Variants in ANK3 observed in about 807,000 individuals in gnomAD.
The protein encoded by ANK3 is ankyrin-3.
A neutral mutation model predicts 370.9 loss-of-function variants in ANK3; 57 were observed. The ratio of observed to expected loss-of-function variants is 0.15; its 90% CI spans 0.12 to 0.19. ANK3 has a LOEUF of 0.19. ANK3 is among the 10% of genes least tolerant of loss of function. ANK3 has a pLI of 1.00. For missense variants in ANK3, 4,439 were observed against 5,302.1 expected (o/e 0.84, Z 5.06); for synonymous variants, 1,929 against 1,946.3 (o/e 0.99, Z 0.23).
intron 1 of ANK3, among the ~76,000 whole-genome samples, chr10:60,621,535 C>T (rs959085460): frequency 2.0e-5 from 3 of 152,110 alleles, no homozygotes; most frequent in African/African-American, 4.8e-5. Context: ...CCAGACTCTC[C>T]TGGGGTCGTG....
chr10:60,406,738 T>C (rs2132917480), intron 2 of ANK3, among the ~76,000 whole-genome samples: 1 of 152,342 alleles, frequency 6.6e-6, no homozygotes, highest in South Asian at 2.1e-4. Flanking sequence ...ATTAATCTGG[T>C]TTTTCCTATC....
In ANK3 at chr10:60,080,560, C is replaced by G. The variant is rs761501450; in HGVS notation, c.4409G>C (p.Ser1470Thr). 3 of 1,612,126 alleles carry G rather than the reference C, an allele frequency of 1.9e-6. No individual in the cohort carries two copies. Among genetic ancestry groups the G allele is most frequent in the Non-Finnish European group, 2.5e-6 (3 of 1,179,384 alleles). Residue 1470 changes from serine to threonine, a missense_variant, in exon 36 of 44, where the codon AGC becomes ACC. Coordinates refer to ENST00000280772, the MANE Select transcript of ANK3 (RefSeq NM_020987.5). The part of the protein sequence containing the change: ...FASLALRKRY[S>T]YLTEPGMIER... Reference sequence around the variant, plus strand: ...ACTCATTCCAGGCTCAGTCAAGTAGCTGTAGCGCTTACGTAAAGCTAAGGA... The same window carrying G: ...ACTCATTCCAGGCTCAGTCAAGTAGGTGTAGCGCTTACGTAAAGCTAAGGA...
At chr10:60,367,490 G>A (rs1430006021) in intron 1 of ANK3, among the ~76,000 whole-genome samples, 2 of 152,184 alleles carry the variant, frequency 1.3e-5, no homozygotes, top group Non-Finnish European at 2.9e-5. Context: ...CAGAGAAGGA[G>A]GCTTTCACTT....
intron 2 of ANK3, among the ~76,000 whole-genome samples, chr10:60,457,417 G>T (rs181987225): frequency 5.1e-4 from 77 of 152,268 alleles, no homozygotes; most frequent in African/African-American, 1.8e-3. Context: ...GCCAGTTCTG[G>T]CAGAAGATGA....
At chr10:60,464,554 A>G (rs1567062120) in intron 2 of ANK3, among the ~76,000 whole-genome samples, 1 of 152,194 alleles carries the variant, frequency 6.6e-6, no homozygotes, top group East Asian at 1.9e-4. Flanking sequence ...ATCCACATGC[A>G]GAGAACCCCC....
chr10:60,235,098 A>C (rs2097308261), intron 7 of ANK3, among the ~76,000 whole-genome samples: 1 of 152,214 alleles, frequency 6.6e-6, no homozygotes, highest in Non-Finnish European at 1.5e-5. Context: ...GTATTTTTCT[A>C]TAATTTGAGT....
intron 2 of ANK3, among the ~76,000 whole-genome samples, chr10:60,529,141 C>T (rs2076545608): frequency 6.6e-6 from 1 of 152,066 alleles, no homozygotes; most frequent in Non-Finnish European, 1.5e-5. Flanking sequence ...AGGGAATGCA[C>T]AGCAGTTGCT....
chr10:60,528,859 T>C (rs1436996797), intron 2 of ANK3, among the ~76,000 whole-genome samples: 1 of 152,120 alleles, frequency 6.6e-6, no homozygotes. Flanking sequence ...CACTGATCTA[T>C]ATTCAGTACA....
intron 1 of ANK3, among the ~76,000 whole-genome samples, chr10:60,723,230 A>T (rs968823745): frequency 2.6e-5 from 4 of 152,238 alleles, no homozygotes; most frequent in Admixed American, 6.5e-5. Context: ...CATGCTCTTG[A>T]ATCTAATTTT....
At chr10:60,555,508 A>T (rs1317749510) in intron 2 of ANK3, among the ~76,000 whole-genome samples, 1 of 151,992 alleles carries the variant, frequency 6.6e-6, no homozygotes, top group Non-Finnish European at 1.5e-5. Flanking sequence ...GAAATTACAA[A>T]ATTTTTTAGT....
chr10:60,059,861 T>C (rs1365404573), intron 40 of ANK3: 5 of 1,614,128 alleles, frequency 3.1e-6, no homozygotes, highest in Non-Finnish European at 4.2e-6. Context: ...GGGAAGGCAC[T>C]AGCCCATCAC....
chr10:60,468,665 G>A (rs1026749149), intron 2 of ANK3, among the ~76,000 whole-genome samples: 1 of 151,884 alleles, frequency 6.6e-6, no homozygotes, highest in Non-Finnish European at 1.5e-5. Flanking sequence ...CTAGATGGGT[G>A]AACTTTGGCA....
chr10:60,134,058 C>T (rs1259874053), intron 25 of ANK3, among the ~76,000 whole-genome samples: 4 of 152,132 alleles, frequency 2.6e-5, no homozygotes, highest in Non-Finnish European at 5.9e-5. Context: ...TTCTGAGTTC[C>T]TCTCTGATAT....
intron 2 of ANK3, among the ~76,000 whole-genome samples, chr10:60,497,628 GAACA>G (rs1475758954): frequency 6.6e-6 from 1 of 152,076 alleles, no homozygotes; most frequent in Admixed American, 6.5e-5. Flanking sequence ...TTCTTATAAG[GAACA>G]AAGAGAAGCA....
chr10:60,186,460 C>T (rs2096336331), intron 17 of ANK3, among the ~76,000 whole-genome samples: 1 of 151,768 alleles, frequency 6.6e-6, no homozygotes, highest in Non-Finnish European at 1.5e-5. Context: ...GAGCAGTCTA[C>T]CCGCCTTGTC....
intron 10 of ANK3, 71 bp downstream of exon 10, chr10:60,207,965 C>T (rs2096791093): frequency 7.5e-7 from 1 of 1,327,502 alleles, no homozygotes; most frequent in Non-Finnish European, 1.1e-6. Flanking sequence ...TCAAAGCATT[C>T]CCTTCACATA....
At position 60,326,819 on chromosome 10, in the gene ANK3, A is replaced by G. The variant is rs550409998; in HGVS notation, c.115-47180T>C. Among the ~76,000 whole-genome samples, 44 of 152,260 alleles carry G rather than the reference A, an allele frequency of 2.9e-4. 1 individual carries two copies. Among genetic ancestry groups the G allele is most frequent in the African/African-American group, 9.9e-4 (41 of 41,544 alleles). ...GGCGGATCACGAGGTCAGGCTATCG[A>G]GACCATCCTGGCTAACACAGTGAAA... On this transcript the variant is annotated intron_variant, in intron 1 of 43. Coordinates refer to ENST00000280772, the MANE Select transcript of ANK3 (RefSeq NM_020987.5).
chr10:60,726,914 A>C (rs2079948976), intron 1 of ANK3, among the ~76,000 whole-genome samples: 1 of 152,126 alleles, frequency 6.6e-6, no homozygotes. Context: ...CAATATTCAC[A>C]TTTCATCAAT....
At chr10:60,470,511 T>C (rs1348825058) in intron 2 of ANK3, among the ~76,000 whole-genome samples, 3 of 152,146 alleles carry the variant, frequency 2.0e-5, no homozygotes, top group Non-Finnish European at 4.4e-5. Flanking sequence ...TGTCTCCTAG[T>C]ACAAAAATAG....
Sources: allele counts gnomAD v4.1 joint callset (sites outside exome capture counted in the v4.1 genomes callset), GRCh38; gene constraint gnomAD v4.1.1; transcripts MANE v1.5; gene names NCBI Gene and HGNC (gene_info 2026-07-23, HGNC 2026-07-21).